EPHA7: variants seen among roughly 807,000 people sequenced by gnomAD.
EPHA7 encodes the protein ephrin type-A receptor 7.
Under a neutral mutation model 112.6 loss-of-function variants are expected in EPHA7, and 25 were observed. The observed-to-expected ratio is 0.22, with a 90% CI of 0.16 to 0.31. EPHA7 has a LOEUF of 0.31. Among genes scored for constraint, EPHA7 ranks in the 10% least tolerant of loss-of-function variants. EPHA7 has a pLI of 1.00. For synonymous variants in EPHA7, 437 were observed against 406.5 expected (o/e 1.07, Z -0.90); for missense variants, 962 against 1,212.6 (o/e 0.79, Z 3.07).
intron 3 of EPHA7, among the ~76,000 whole-genome samples, chr6:93,392,549 A>G (rs550902740): frequency 9.9e-5 from 15 of 152,018 alleles, no homozygotes; most frequent in Non-Finnish European, 1.5e-4. Flanking sequence ...AAATTTTTAA[A>G]TACATTTTTA....
intron 7 of EPHA7, among the ~76,000 whole-genome samples, chr6:93,267,015 C>T (rs1770972337): frequency 6.6e-6 from 1 of 151,734 alleles, no homozygotes; most frequent in Non-Finnish European, 1.5e-5. Context: ...TTTTTACTCT[C>T]ACTTGCTTAT....
At chr6:93,409,279 A>T (rs1778862212) in intron 3 of EPHA7, among the ~76,000 whole-genome samples, 1 of 152,088 alleles carries the variant, frequency 6.6e-6, no homozygotes, top group South Asian at 2.1e-4. Context: ...AAACTAGGGC[A>T]ATATCGTTGC....
intron 3 of EPHA7, among the ~76,000 whole-genome samples, chr6:93,367,570 A>T (rs766236525): frequency 6.6e-6 from 1 of 152,106 alleles, no homozygotes; most frequent in Non-Finnish European, 1.5e-5. Context: ...AATGATCCTA[A>T]AGAGGTAGGA....
chr6:93,259,485 A>C lies in EPHA7; in HGVS notation c.1799-6T>G. ...TTTGGTGCCTGGAAATTTAACTGTA[A>C]TGATGTAAGAAAGCATGACTGTGAT... On this transcript the variant is annotated splice_region_variant and splice_polypyrimidine_tract_variant and intron_variant, in intron 9 of 16. Coordinates refer to ENST00000369303, the MANE Select transcript of EPHA7 (RefSeq NM_004440.4). The C allele has an allele frequency of 6.2e-7, 1 of 1,610,698 alleles. No homozygotes were observed.
intron 6 of EPHA7, among the ~76,000 whole-genome samples, 167 bp downstream of exon 6, chr6:93,272,128 AATG>A (rs1259998564): frequency 6.6e-6 from 1 of 151,816 alleles, no homozygotes; most frequent in Non-Finnish European, 1.5e-5. Flanking sequence ...TCACATTTAT[AATG>A]ATAAGCCAGA....
chr6:93,393,076 A>C (rs1266889247), intron 3 of EPHA7, among the ~76,000 whole-genome samples: 13 of 151,910 alleles, frequency 8.6e-5, no homozygotes, highest in Non-Finnish European at 1.8e-4. Context: ...AATTGCAATC[A>C]ACTTTGAATA....
chr6:93,283,344 A>C (rs187387303), intron 5 of EPHA7, among the ~76,000 whole-genome samples: 1 of 152,258 alleles, frequency 6.6e-6, no homozygotes, highest in East Asian at 1.9e-4. Context: ...ACCAATCAGC[A>C]GGATGTGGGT....
intron 3 of EPHA7, among the ~76,000 whole-genome samples, chr6:93,407,105 A>AT (rs1440567388): frequency 6.6e-6 from 1 of 151,974 alleles, no homozygotes; most frequent in African/African-American, 2.4e-5. Flanking sequence ...AAATTGAGCT[A>AT]TTTTTTCAGT....
At chr6:93,374,693 C>T (rs1439082348) in intron 3 of EPHA7, among the ~76,000 whole-genome samples, 2 of 152,126 alleles carry the variant, frequency 1.3e-5, no homozygotes, top group Non-Finnish European at 2.9e-5. Flanking sequence ...AGCCAAACAC[C>T]TTGAGTTCAA....
chr6:93,353,145 G>A (rs967378514), intron 5 of EPHA7, among the ~76,000 whole-genome samples: 10 of 151,740 alleles, frequency 6.6e-5, no homozygotes, highest in African/African-American at 2.4e-4. Flanking sequence ...GAAGAATAAG[G>A]GTCATAATGT....
chr6:93,326,446 A>G (rs1397997513), intron 5 of EPHA7, among the ~76,000 whole-genome samples: 1 of 151,536 alleles, frequency 6.6e-6, no homozygotes, highest in Non-Finnish European at 1.5e-5. Flanking sequence ...TATCTAATGA[A>G]TGGCATAACT....
chr6:93,243,251 T>C lies in EPHA7; in HGVS notation c.*175A>G. The C allele has an allele frequency of 2.2e-6, 1 of 452,356 alleles. No individual in the cohort carries two copies. The highest frequency in any genetic ancestry group is 3.9e-6 in the Non-Finnish European group (1 of 255,420). 28.0% of individuals were successfully genotyped at this position (452,356 alleles called of 1,614,324 possible). A position where few individuals can be genotyped will look rare whatever the true frequency, so the allele number is the denominator to read the frequency against. On this transcript the variant is annotated 3_prime_UTR_variant, in exon 17 of 17. Coordinates refer to ENST00000369303, the MANE Select transcript of EPHA7 (RefSeq NM_004440.4). ...GATGGTGGATCCTAAATTCCCTTTTTATATATTCTGGTGGCACTTAGGAGT... is the reference window on the plus strand; with the variant it reads ...GATGGTGGATCCTAAATTCCCTTTTCATATATTCTGGTGGCACTTAGGAGT...
intron 3 of EPHA7, among the ~76,000 whole-genome samples, chr6:93,383,851 G>A (rs1473545437): frequency 6.6e-6 from 1 of 152,042 alleles, no homozygotes; most frequent in Non-Finnish European, 1.5e-5. Flanking sequence ...GAGTGTCAGT[G>A]TGCCTGGTTA....
intron 3 of EPHA7, among the ~76,000 whole-genome samples, chr6:93,379,452 T>C (rs1777226966): frequency 6.6e-6 from 1 of 152,086 alleles, no homozygotes; most frequent in African/African-American, 2.4e-5. Context: ...AATAACTTTT[T>C]TTAGGGAATG....
chr6:93,366,305 T>C (rs1194622996), intron 3 of EPHA7, among the ~76,000 whole-genome samples: 1 of 152,214 alleles, frequency 6.6e-6, no homozygotes, highest in Non-Finnish European at 1.5e-5. Flanking sequence ...TTTACTAGCA[T>C]ACAATTGGGG....
intron 5 of EPHA7, among the ~76,000 whole-genome samples, chr6:93,276,709 T>C (rs1420145907): frequency 6.6e-6 from 1 of 152,088 alleles, no homozygotes; most frequent in Non-Finnish European, 1.5e-5. Flanking sequence ...TTAAATAACG[T>C]GATATTAAAT....
At chr6:93,376,133 G>A (rs1777049089) in intron 3 of EPHA7, among the ~76,000 whole-genome samples, 3 of 151,950 alleles carry the variant, frequency 2.0e-5, no homozygotes, top group African/African-American at 7.3e-5. Context: ...ATTTTTTTGT[G>A]TGGGGTTTCA....
chr6:93,272,431 A>G lies in EPHA7; in HGVS notation c.1325-9T>C. On this transcript the variant is annotated splice_polypyrimidine_tract_variant and intron_variant, in intron 5 of 16. Transcript: ENST00000369303. ...ACTCACTTGCGAGGGAGCTGTTTGG[A>G]CAAGATGTGTCAATAAACAATGAGA... 6.2e-7 allele frequency: 1 copy of G among 1,611,260 alleles called. No individual in the cohort carries two copies. The highest frequency in any genetic ancestry group is 1.1e-5 in the South Asian group (1 of 91,046).
chr6:93,296,566 A>T (rs1003247787), intron 5 of EPHA7, among the ~76,000 whole-genome samples: 1 of 151,046 alleles, frequency 6.6e-6, no homozygotes, highest in Non-Finnish European at 1.5e-5. Context: ...CCTAGAGGAT[A>T]TTACGCTAGG....
Sources: allele counts gnomAD v4.1 joint callset (sites outside exome capture counted in the v4.1 genomes callset), GRCh38; gene constraint gnomAD v4.1.1; transcripts MANE v1.5; gene names NCBI Gene and HGNC (gene_info 2026-07-23, HGNC 2026-07-21).